Variants in GPSM3 observed in about 807,000 individuals in gnomAD.
The protein encoded by GPSM3 is G protein-signaling modulator 3.
A neutral mutation model predicts 20.4 loss-of-function variants in GPSM3; 16 were observed. The observed-to-expected ratio is 0.78, with a 90% CI of 0.53 to 1.19. The LOEUF is 1.19. Ranked by LOEUF, GPSM3 falls within the 50% of genes most tolerant of loss-of-function variation. GPSM3 has a pLI of 0.00. For missense variants in GPSM3, 177 were observed against 204.6 expected (o/e 0.86, Z 0.82); for synonymous variants, 70 against 79.6 (o/e 0.88, Z 0.64).
chr6:32,194,468 A>C (rs1265586762), upstream of GPSM3: 3 of 152,592 alleles, frequency 2.0e-5, no homozygotes, highest in Non-Finnish European at 4.4e-5. The surrounding 1 kb of genome is among the most constrained non-coding windows in gnomAD (Gnocchi z 4.5). Flanking sequence ...CACAGTTCAC[A>C]ATAGGGTTCG....
upstream of GPSM3, chr6:32,192,954 A>C: frequency 6.2e-6 from 1 of 161,700 alleles, no homozygotes. The surrounding 1 kb of genome is among the most constrained non-coding windows in gnomAD (Gnocchi z 5.1). Flanking sequence ...ACTCCTCAGA[A>C]TCCCCCTCCC....
At chr6:32,193,886 C>T (rs1422293907), upstream of GPSM3, among the ~76,000 whole-genome samples, 1 of 152,202 alleles carries the variant, frequency 6.6e-6, no homozygotes. The surrounding 1 kb of genome is among the most constrained non-coding windows in gnomAD (Gnocchi z 4.7). Flanking sequence ...CCATTTGGTA[C>T]CTCTAAATGG....
chr6:32,192,449 C>T lies in GPSM3; in HGVS notation c.42+23G>A. On this transcript the variant is annotated intron_variant, in intron 1 of 3. Coordinates refer to ENST00000375040, the MANE Select transcript of GPSM3 (RefSeq NM_001276501.2). This position sits in a 1 kb window ranked among gnomAD's most constrained non-coding sequence, Gnocchi z 5.1. ...CTCCCTTCTTTCCCAGTGTCAGCCTCCCCAACCCCGTGCCCAGCTCACCTG... is the reference window on the plus strand; with the variant it reads ...CTCCCTTCTTTCCCAGTGTCAGCCTTCCCAACCCCGTGCCCAGCTCACCTG... 1 of 1,581,764 alleles carries T rather than the reference C, an allele frequency of 6.3e-7. No homozygotes were observed. The highest frequency in any genetic ancestry group is 8.6e-7 in the Non-Finnish European group (1 of 1,162,392).
chr6:32,193,317 T>C (rs549033619), upstream of GPSM3, among the ~76,000 whole-genome samples: 2 of 152,022 alleles, frequency 1.3e-5, no homozygotes, highest in South Asian at 4.2e-4. The surrounding 1 kb of genome is among the most constrained non-coding windows in gnomAD (Gnocchi z 4.7). Context: ...CTGGGGAACA[T>C]GGTGAAACCC....
At chr6:32,193,016 C>G (rs150254452), upstream of GPSM3, 447 of 154,516 alleles carry the variant, frequency 2.9e-3, 1 homozygote, top group Middle Eastern at 0.02. The surrounding 1 kb of genome is among the most constrained non-coding windows in gnomAD (Gnocchi z 4.7). Flanking sequence ...AGGATTTGGC[C>G]CTCCCGATCT....
At chr6:32,195,386 T>C (rs1311315954), upstream of GPSM3, 1 of 1,509,794 alleles carries the variant, frequency 6.6e-7, no homozygotes, top group South Asian at 1.3e-5. This position sits in a 1 kb window ranked among gnomAD's most constrained non-coding sequence, Gnocchi z 5.4. Context: ...CCTTCCAGCC[T>C]GCCTTTTAAT....
chr6:32,191,287 C>T lies in GPSM3; in HGVS notation c.*79G>A, dbSNP rs1276348619. The T allele has an allele frequency of 1.3e-6, 2 of 1,489,116 alleles. No individual in the cohort carries two copies. Among genetic ancestry groups the T allele is most frequent in the African/African-American group, 1.5e-5 (1 of 68,700 alleles). 92.2% of individuals were successfully genotyped at this position (1,489,116 alleles called of 1,614,324 possible). On this transcript the variant is annotated 3_prime_UTR_variant, in exon 4 of 4. Transcript: ENST00000375040. The surrounding 1 kb of genome is among the most constrained non-coding windows in gnomAD (Gnocchi z 5.9). ...GTCTTTCAGTCTCTGGTACCCCTGC[C>T]AAGCAAGAGTTGAGGGCATGCAATG...
At position 32,192,057 on chromosome 6, in the gene GPSM3, TG is replaced by T; in HGVS notation, c.145+90del. ...AATCCCAAGGGGAGTCTGGAGGAGG[TG>T]GGGAGAGGGCCCACAATGGAGTGGG... On this transcript the variant is annotated intron_variant, in intron 2 of 3. Transcript: ENST00000375040. This position sits in a 1 kb window ranked among gnomAD's most constrained non-coding sequence, Gnocchi z 5.1. The T allele has an allele frequency of 8.0e-7, 1 of 1,252,526 alleles. No homozygotes were observed. The highest frequency in any genetic ancestry group is 1.1e-6 in the Non-Finnish European group (1 of 892,886). 77.6% of individuals were successfully genotyped at this position (1,252,526 alleles called of 1,614,324 possible).
rs750338147 is a variant in GPSM3 at position 32,192,053 on chromosome 6, G to C, written c.145+95C>G. The C allele has an allele frequency of 8.0e-7, 1 of 1,242,662 alleles. No homozygotes were observed. Among genetic ancestry groups the C allele is most frequent in the Non-Finnish European group, 1.1e-6 (1 of 877,512 alleles). The allele number at this position is 1,242,662 out of a possible 1,614,324, so 77.0% of individuals were successfully genotyped here. A position where few individuals can be genotyped will look rare whatever the true frequency, so the allele number is the denominator to read the frequency against. On this transcript the variant is annotated intron_variant, in intron 2 of 3. Coordinates refer to ENST00000375040, the MANE Select transcript of GPSM3 (RefSeq NM_001276501.2). This position sits in a 1 kb window ranked among gnomAD's most constrained non-coding sequence, Gnocchi z 5.1. ...GGGGAATCCCAAGGGGAGTCTGGAG[G>C]AGGTGGGGAGAGGGCCCACAATGGA...
At position 32,192,130 on chromosome 6, in the gene GPSM3, C is replaced by A; in HGVS notation, c.145+18G>T. On this transcript the variant is annotated intron_variant, in intron 2 of 3. Coordinates refer to ENST00000375040, the MANE Select transcript of GPSM3 (RefSeq NM_001276501.2). The surrounding 1 kb of genome is among the most constrained non-coding windows in gnomAD (Gnocchi z 5.1). ...GTGGGCACTAGGGTCGGGGCTCTCC[C>A]TGGGTGGGTAGGGGTACCTGTGTGG... is the stretch of plus-strand genomic sequence containing the variant. 6.7e-7 allele frequency: 1 copy of A among 1,503,296 alleles called. No individual in the cohort carries two copies. The highest frequency in any genetic ancestry group is 2.3e-5 in the Admixed American group (1 of 43,928). 93.1% of individuals were successfully genotyped at this position (1,503,296 alleles called of 1,614,324 possible). A position where few individuals can be genotyped will look rare whatever the true frequency, so the allele number is the denominator to read the frequency against.
chr6:32,195,080 G>T, upstream of GPSM3: 1 of 295,314 alleles, frequency 3.4e-6, no homozygotes, highest in Non-Finnish European at 6.3e-6. This position sits in a 1 kb window ranked among gnomAD's most constrained non-coding sequence, Gnocchi z 5.4. Flanking sequence ...GGGGACAATG[G>T]ATCATAGGGG....
upstream of GPSM3, chr6:32,195,085 TA>T: frequency 3.3e-6 from 1 of 303,360 alleles, no homozygotes; most frequent in Non-Finnish European, 6.2e-6. The surrounding 1 kb of genome is among the most constrained non-coding windows in gnomAD (Gnocchi z 5.4). Context: ...CAATGGATCA[TA>T]GGGGCACCCT....
chr6:32,195,180 C>G, upstream of GPSM3: 2 of 501,602 alleles, frequency 4.0e-6, no homozygotes, highest in Non-Finnish European at 3.5e-6. This position sits in a 1 kb window ranked among gnomAD's most constrained non-coding sequence, Gnocchi z 5.4. Context: ...TTCCACTCCA[C>G]TCTGCCCTCC....
chr6:32,194,933 G>A (rs1007419485), upstream of GPSM3: 6 of 235,680 alleles, frequency 2.5e-5, no homozygotes, highest in Non-Finnish European at 4.2e-5. This position sits in a 1 kb window ranked among gnomAD's most constrained non-coding sequence, Gnocchi z 4.5. Flanking sequence ...CATCCCCACA[G>A]TGGAGTTCTT....
Position 32,191,702 on chromosome 6 carries a change from G to A in GPSM3, c.345+7C>T, listed in dbSNP as rs1469854055. On this transcript the variant is annotated splice_region_variant and intron_variant, in intron 3 of 3. Coordinates refer to ENST00000375040, the MANE Select transcript of GPSM3 (RefSeq NM_001276501.2). This position sits in a 1 kb window ranked among gnomAD's most constrained non-coding sequence, Gnocchi z 5.9. ...GCCTGGGTTTGCCTCCTGGGGGGAT[G>A]TCTTACCTGGTGACTGAGGATAGTG... is the stretch of plus-strand genomic sequence containing the variant. 3.1e-6 allele frequency: 5 copies of A among 1,595,644 alleles called. No homozygotes were observed. Among genetic ancestry groups the A allele is most frequent in the Non-Finnish European group, 4.3e-6 (5 of 1,168,118 alleles).
Position 32,192,520 on chromosome 6 carries a change from G to A in GPSM3, c.-7C>T, listed in dbSNP as rs1197852668. 1.0e-5 allele frequency: 16 copies of A among 1,584,402 alleles called. No homozygotes were observed. Among genetic ancestry groups the A allele is most frequent in the Non-Finnish European group, 1.4e-5 (16 of 1,164,360 alleles). ...GGGGTCTCTCAGCCTCCATCCCCTA[G>A]AGGGGAGAAACTGGTGGGGGAGGGG... On this transcript the variant is annotated 5_prime_UTR_variant, in exon 1 of 4. Transcript: ENST00000375040. The surrounding 1 kb of genome is among the most constrained non-coding windows in gnomAD (Gnocchi z 5.1).
chr6:32,191,621 C>T lies in GPSM3; in HGVS notation c.345+88G>A, dbSNP rs1015491824. ...GGAAACCTGTGAAGGCGATGGGGTGCCTAGGGAGAAACAGGAGTAGAGCCC... is the reference window on the plus strand; with the variant it reads ...GGAAACCTGTGAAGGCGATGGGGTGTCTAGGGAGAAACAGGAGTAGAGCCC... On this transcript the variant is annotated intron_variant, in intron 3 of 3. Coordinates refer to ENST00000375040, the MANE Select transcript of GPSM3 (RefSeq NM_001276501.2). The surrounding 1 kb of genome is among the most constrained non-coding windows in gnomAD (Gnocchi z 5.9). The T allele has an allele frequency of 3.1e-5, 46 of 1,475,590 alleles. No homozygotes were observed. The African/African-American group carries it at 4.8e-4, about 15-fold the overall frequency. The allele number at this position is 1,475,590 out of a possible 1,614,324, so 91.4% of individuals were successfully genotyped here.
upstream of GPSM3, among the ~76,000 whole-genome samples, chr6:32,193,883 GTACCTC>G (rs1787696077): frequency 6.6e-6 from 1 of 152,218 alleles, no homozygotes; most frequent in African/African-American, 2.4e-5. The surrounding 1 kb of genome is among the most constrained non-coding windows in gnomAD (Gnocchi z 4.7). Context: ...CAACCATTTG[GTACCTC>G]TAAATGGCAA....
In GPSM3 at chr6:32,191,231, T is replaced by C. The variant is rs1378773528; in HGVS notation, c.*135A>G. On this transcript the variant is annotated 3_prime_UTR_variant, in exon 4 of 4. Transcript: ENST00000375040. This position sits in a 1 kb window ranked among gnomAD's most constrained non-coding sequence, Gnocchi z 5.9. ...CCTGTCCAGTTCCCAGGGAAGGTGA[T>C]GTGGGAGATGAATATTGAGATTTGT... The C allele has an allele frequency of 1.9e-6, 2 of 1,036,612 alleles. No homozygotes were observed. The highest frequency in any genetic ancestry group is 2.7e-6 in the Non-Finnish European group (2 of 731,788). The allele number at this position is 1,036,612 out of a possible 1,614,324, so 64.2% of individuals were successfully genotyped here. A position where few individuals can be genotyped will look rare whatever the true frequency, so the allele number is the denominator to read the frequency against.
Sources: gnomAD v4.1 joint callset for allele counts (sites outside exome capture counted in the v4.1 genomes callset) on GRCh38, gnomAD v4.1.1 for gene constraint, Gnocchi (gnomAD v3.1) non-coding constraint, MANE v1.5 for transcripts, NCBI Gene and HGNC (gene_info 2026-07-23, HGNC 2026-07-21) for gene names.